USB1: variants seen among roughly 807,000 people sequenced by gnomAD.
USB1 encodes U6 snRNA phosphodiesterase 1.
In USB1, 21 loss-of-function variants were observed where a neutral mutation model predicts 29.9. The ratio of observed to expected loss-of-function variants is 0.70; its 90% CI spans 0.50 to 1.01. USB1 has a LOEUF of 1.01. Among genes scored for constraint, USB1 ranks in the 50% least tolerant of loss-of-function variants. The pLI is 0.00. For synonymous variants in USB1, 143 were observed against 134.9 expected, an observed-to-expected ratio of 1.06 and a Z score of -0.42; for missense variants, 330 against 347.1, an observed-to-expected ratio of 0.95 and a Z score of 0.39.
At chr16:58,012,305 A>T (rs756792576) in intron 3 of USB1, 13 of 1,535,266 alleles carry the variant, frequency 8.5e-6, no homozygotes, top group Admixed American at 2.0e-5. Context: ...TATTATCAGG[A>T]CTCTCTTAAC....
intron 3 of USB1, chr16:58,012,877 C>T (rs1279870628): frequency 1.0e-6 from 1 of 986,926 alleles, no homozygotes; most frequent in Non-Finnish European, 1.2e-6. Flanking sequence ...GAGTCCCTTG[C>T]TGGGACTTAG....
intron 1 of USB1, 79 bp downstream of exon 1, chr16:58,001,660 A>G (rs1359508016): frequency 7.0e-7 from 1 of 1,437,502 alleles, no homozygotes; most frequent in Non-Finnish European, 9.6e-7. Flanking sequence ...CTGGGGGTGG[A>G]GTGGGGAGGG....
At chr16:58,010,183 C>T in intron 3 of USB1, 71 bp downstream of exon 3, 12 of 1,580,932 alleles carry the variant, frequency 7.6e-6, no homozygotes, top group Admixed American at 1.7e-5. Flanking sequence ...TGAGCTACTG[C>T]GGGCATTACC....
chr16:58,018,827 G>A lies in USB1; in HGVS notation c.610-145G>A, dbSNP rs1299766208. ...TTTTGTCTGTCTGTGGAGGGTGCTT[G>A]GGATCAACACTGAGTATCTTGTCTC... On this transcript the variant is annotated intron_variant, in intron 5 of 6. Transcript: ENST00000219281. 10 of 789,836 alleles carry A rather than the reference G, an allele frequency of 1.3e-5. 1 individual carries two copies. Among genetic ancestry groups the A allele is most frequent in the Non-Finnish European group, 2.2e-5 (10 of 460,920 alleles). The allele number at this position is 789,836 out of a possible 1,614,324, so 48.9% of individuals were successfully genotyped here. A position where few individuals can be genotyped will look rare whatever the true frequency, so the allele number is the denominator to read the frequency against.
rs1157106175 is a variant in USB1, at chr16:58,020,460, T to C, written c.*215T>C. 4 of 603,770 alleles carry C rather than the reference T, an allele frequency of 6.6e-6. No homozygotes were observed. The East Asian group carries it at 1.1e-4, about 17-fold the overall frequency. The allele number at this position is 603,770 out of a possible 1,614,324, so 37.4% of individuals were successfully genotyped here. ...TTCTTTCTCTCTCTTCTCCTCTCTT[T>C]CTCTCCTCTGTCTCTCTTCCTCTCC... On this transcript the variant is annotated 3_prime_UTR_variant, in exon 7 of 7. Transcript: ENST00000219281.
At chr16:58,017,668 C>A (rs1490381612) in intron 5 of USB1, among the ~76,000 whole-genome samples, 1 of 152,184 alleles carries the variant, frequency 6.6e-6, no homozygotes, top group Non-Finnish European at 1.5e-5. Context: ...TGCTTTATAT[C>A]CTAAATACGC....
At chr16:58,014,380 A>G in intron 4 of USB1, 54 bp downstream of exon 4, 1 of 1,485,234 alleles carries the variant, frequency 6.7e-7, no homozygotes. Flanking sequence ...TGGTGCAAAA[A>G]TTGAGTGCTT....
chr16:58,004,725 T>C (rs1182469382), intron 2 of USB1, among the ~76,000 whole-genome samples: 1 of 152,248 alleles, frequency 6.6e-6, no homozygotes, highest in Non-Finnish European at 1.5e-5. Context: ...TGAATCTTTC[T>C]GTCTATAAAC....
Position 58,020,485 on chromosome 16 carries a change from CTCTCTTCCTCTCT to C in USB1, c.*246_*258del, listed in dbSNP as rs1436068138. 3.6e-6 allele frequency: 2 copies of C among 563,104 alleles called. No individual in the cohort carries two copies. The highest frequency in any genetic ancestry group is 4.0e-5 in the South Asian group (2 of 49,504). The allele number at this position is 563,104 out of a possible 1,614,324, so 34.9% of individuals were successfully genotyped here. Reference sequence around the variant, plus strand: ...TCTCTCCTCTGTCTCTCTTCCTCTCCTCTCTTCCTCTCTTCTCTCTTCCTCTCCTCTCTCTCTT... The same window carrying C: ...TCTCTCCTCTGTCTCTCTTCCTCTCCTCTCTCTTCCTCTCCTCTCTCTCTT... On this transcript the variant is annotated 3_prime_UTR_variant, in exon 7 of 7. Coordinates refer to ENST00000219281, the MANE Select transcript of USB1 (RefSeq NM_024598.4).
chr16:58,001,379 C>T, upstream of USB1: 2 of 1,370,200 alleles, frequency 1.5e-6, no homozygotes, highest in Non-Finnish European at 2.0e-6. Flanking sequence ...CGAGGCGGTG[C>T]CAGCCCAGGC....
chr16:58,002,488 C>T lies in USB1; in HGVS notation c.108C>T (p.Ser36=). 1 of 1,613,892 alleles carries T rather than the reference C, an allele frequency of 6.2e-7. No individual in the cohort carries two copies. The highest frequency in any genetic ancestry group is 1.1e-5 in the South Asian group (1 of 91,092). The change falls in exon 2 of 7, where the codon AGC becomes AGT. Residue 36 remains serine, a synonymous_variant. Transcript: ENST00000219281. ...PGDGSHRRGQ[S]PLPRQRFPVP... is the part of the protein sequence containing the mutation. ...TTTTTTTCTTTTGCAGTGGCCAGAG[C>T]CCCCTTCCCAGGCAGAGATTTCCAG...
intron 2 of USB1, among the ~76,000 whole-genome samples, chr16:58,004,901 G>A (rs529677126): frequency 9.6e-4 from 146 of 152,274 alleles, no homozygotes; most frequent in African/African-American, 3.4e-3. Context: ...TAGTGGCCTC[G>A]AATGCCAGGC....
chr16:58,013,498 T>C lies in USB1; in HGVS notation c.450-775T>C. 6.1e-6 allele frequency: 6 copies of C among 984,846 alleles called. No individual in the cohort carries two copies. The highest frequency in any genetic ancestry group is 7.2e-6 in the Non-Finnish European group (6 of 830,012). The allele number at this position is 984,846 out of a possible 1,614,324, so 61.0% of individuals were successfully genotyped here. A position where few individuals can be genotyped will look rare whatever the true frequency, so the allele number is the denominator to read the frequency against. On this transcript the variant is annotated intron_variant, in intron 3 of 6. Transcript: ENST00000219281. The surrounding 1 kb of genome is among the most constrained non-coding windows in gnomAD (Gnocchi z 4.3). ...ATGATCTGTTTCTGTGAGGAGACTT[T>C]CCATGGTGAGATTGCTAGTGTCTCA...
chr16:58,018,770 T>C (rs1963676057), intron 5 of USB1, among the ~76,000 whole-genome samples: 1 of 152,188 alleles, frequency 6.6e-6, no homozygotes, highest in Non-Finnish European at 1.5e-5. Context: ...GGTGACACGA[T>C]TCAGTCCATA....
intron 2 of USB1, among the ~76,000 whole-genome samples, chr16:58,009,418 C>A (rs1380153558): frequency 2.0e-5 from 3 of 152,124 alleles, no homozygotes; most frequent in African/African-American, 4.8e-5. Context: ...TGAGGGTAGA[C>A]CTTGTTAAGA....
chr16:58,021,535 C>G lies in USB1; in HGVS notation c.*1290C>G, dbSNP rs1324607556. 6.6e-6 allele frequency: 1 copy of G among 152,282 alleles called. No individual in the cohort carries two copies. Among genetic ancestry groups the G allele is most frequent in the African/African-American group, 2.4e-5 (1 of 41,478 alleles). 9.4% of individuals were successfully genotyped at this position (152,282 alleles called of 1,614,324 possible). A position where few individuals can be genotyped will look rare whatever the true frequency, so the allele number is the denominator to read the frequency against. ...ACAGTCAGTCCTCTTCAGGTGTCTT[C>G]TGGATTTCTGGTGATGGACAGAGAA... On this transcript the variant is annotated 3_prime_UTR_variant, in exon 7 of 7. Transcript: ENST00000219281.
rs1264667260 is a variant in USB1, at chr16:58,020,707, A to C, written c.*462A>C. The C allele has an allele frequency of 4.9e-3, 564 of 115,158 alleles. No homozygotes were observed. The highest frequency in any genetic ancestry group is 0.012 in the Middle Eastern group (3 of 246). 7.1% of individuals were successfully genotyped at this position (115,158 alleles called of 1,614,324 possible). On this transcript the variant is annotated 3_prime_UTR_variant, in exon 7 of 7. Coordinates refer to ENST00000219281, the MANE Select transcript of USB1 (RefSeq NM_024598.4). Reference sequence around the variant, plus strand: ...CCTCCTCTCTCTCTTCCTGTCCTCTATCTCTTCCCCTCCTCTATCTCTTCC... The same window carrying C: ...CCTCCTCTCTCTCTTCCTGTCCTCTCTCTCTTCCCCTCCTCTATCTCTTCC...
At chr16:58,018,626 A>G (rs1324363978) in intron 5 of USB1, among the ~76,000 whole-genome samples, 1 of 151,926 alleles carries the variant, frequency 6.6e-6, no homozygotes, top group African/African-American at 2.4e-5. Flanking sequence ...AGCAGTGCCC[A>G]AGCTCTCTGT....
At chr16:58,000,812 C>T (rs965758641), upstream of USB1, among the ~76,000 whole-genome samples, 4 of 152,008 alleles carry the variant, frequency 2.6e-5, no homozygotes, top group African/African-American at 9.7e-5. This position sits in a 1 kb window ranked among gnomAD's most constrained non-coding sequence, Gnocchi z 4.5. Context: ...CGGGCCAGGT[C>T]GGACAAGCCG....
Sources: allele counts gnomAD v4.1 joint callset (sites outside exome capture counted in the v4.1 genomes callset), GRCh38; gene constraint gnomAD v4.1.1; non-coding constraint Gnocchi (gnomAD v3.1); transcripts MANE v1.5; gene names NCBI Gene and HGNC (gene_info 2026-07-23, HGNC 2026-07-21).